PDZD9: variants seen among roughly 807,000 people sequenced by gnomAD.
PDZD9 encodes the protein PDZ domain containing 9.
In PDZD9, 13 loss-of-function variants were observed where a neutral mutation model predicts 16.3. The observed-to-expected ratio is 0.80, with a 90% CI of 0.52 to 1.27. PDZD9 has a LOEUF of 1.27. Among genes scored for constraint, PDZD9 ranks in the 50% most tolerant of loss-of-function variants. PDZD9 has a pLI of 0.00. For missense variants in PDZD9, 288 were observed against 310.9 expected (o/e 0.93, Z 0.55); for synonymous variants, 120 against 111.0 (o/e 1.08, Z -0.51).
At chr16:21,982,330 T>C (rs1898753117), downstream of PDZD9, among the ~76,000 whole-genome samples, 1 of 152,170 alleles carries the variant, frequency 6.6e-6, no homozygotes, top group Non-Finnish European at 1.5e-5. Flanking sequence ...AACTTGGAAG[T>C]AGTGGCATAA....
At chr16:21,980,310 G>A (rs2141948986), downstream of PDZD9, 1 of 456,284 alleles carries the variant, frequency 2.2e-6, no homozygotes, top group South Asian at 3.6e-5. Context: ...AGGCCAAAGT[G>A]GGCCCTCAAT....
At position 21,988,811 on chromosome 16, in the gene PDZD9, T is replaced by TGTATCA. The variant is rs1898951035; in HGVS notation, c.212-26_212-21dup. ...CATCACCTGAAGAGGGAAAAAATTA[T>TGTATCA]GTATCAGTAAAACTAGAGGTTTAAA... On this transcript the variant is annotated intron_variant, in intron 2 of 3. Coordinates refer to ENST00000424898, the MANE Select transcript of PDZD9 (RefSeq NM_001363519.1). The TGTATCA allele has an allele frequency of 1.9e-6, 3 of 1,573,734 alleles. No individual in the cohort carries two copies. Among genetic ancestry groups the TGTATCA allele is most frequent in the Non-Finnish European group, 2.6e-6 (3 of 1,160,906 alleles).
At chr16:21,963,900 A>C in the PDZD9 span, among the ~76,000 whole-genome samples, 1 of 152,162 alleles carries the variant, frequency 6.6e-6, no homozygotes, top group Non-Finnish European at 1.5e-5. Context: ...TTCCAAAGTA[A>C]GTAACTTAAT....
intron 2 of PDZD9, among the ~76,000 whole-genome samples, chr16:21,990,480 A>C (rs184234747): frequency 1.4e-3 from 218 of 152,326 alleles, no homozygotes; most frequent in African/African-American, 4.7e-3. Flanking sequence ...CCAGAAAACA[A>C]ATACTTACAA....
chr16:21,964,623 C>T, the PDZD9 span, among the ~76,000 whole-genome samples: 2 of 152,144 alleles, frequency 1.3e-5, no homozygotes, highest in Non-Finnish European at 2.9e-5. Context: ...ATGATTTCCC[C>T]TGGGAAACAC....
the PDZD9 span, chr16:21,962,957 A>C: frequency 6.6e-7 from 1 of 1,512,252 alleles, no homozygotes; most frequent in Non-Finnish European, 8.9e-7. Flanking sequence ...ATAGAAGAAA[A>C]AAAATTGCTG....
the PDZD9 span, among the ~76,000 whole-genome samples, chr16:21,965,890 C>T: frequency 6.6e-6 from 1 of 152,116 alleles, no homozygotes; most frequent in South Asian, 2.1e-4. Flanking sequence ...TGCTGTGTTG[C>T]CTAGGCTGGT....
At chr16:22,000,040 CA>C (rs781141020) in intron 1 of PDZD9, among the ~76,000 whole-genome samples, 2,859 of 131,734 alleles carry the variant, frequency 0.022, 77 homozygotes, top group African/African-American at 0.066. Flanking sequence ...GACTCTGTCT[CA>C]AAAAAAAAAA....
the PDZD9 span, among the ~76,000 whole-genome samples, chr16:21,975,030 C>T: frequency 6.6e-6 from 1 of 152,020 alleles, no homozygotes; most frequent in Non-Finnish European, 1.5e-5. Flanking sequence ...TCAGCGACCA[C>T]AAATTCATAG....
chr16:21,967,336 T>C, the PDZD9 span, among the ~76,000 whole-genome samples: 4 of 152,212 alleles, frequency 2.6e-5, no homozygotes, highest in Admixed American at 2.6e-4. Flanking sequence ...CTTTCCTTCC[T>C]GAGGAGCCTT....
the PDZD9 span, among the ~76,000 whole-genome samples, chr16:21,965,907 C>T: frequency 1.3e-5 from 2 of 152,196 alleles, 1 homozygote; most frequent in South Asian, 4.1e-4. Flanking sequence ...TGGTCTTGAA[C>T]TCTTAAGCTC....
the PDZD9 span, among the ~76,000 whole-genome samples, chr16:21,967,980 GCT>G: frequency 6.7e-6 from 1 of 150,052 alleles, no homozygotes; most frequent in Non-Finnish European, 1.5e-5. Flanking sequence ...GCCAGTGTAT[GCT>G]CTAATTTCTT....
At chr16:21,962,743 T>A in the PDZD9 span, 1 of 1,613,974 alleles carries the variant, frequency 6.2e-7, no homozygotes, top group South Asian at 1.1e-5. Context: ...ATAATTCTTA[T>A]CTCGATGTCT....
chr16:21,984,451 C>A lies in PDZD9; in HGVS notation c.611G>T (p.Cys204Phe), dbSNP rs907082403. The change falls in exon 4 of 4, where the codon TGT (cysteine) becomes TTT (phenylalanine). Residue 204 changes from cysteine (C) to phenylalanine (F), a missense_variant. Cys to Phe is a radical substitution (Grantham distance 205). Coordinates refer to ENST00000424898, the MANE Select transcript of PDZD9 (RefSeq NM_001363519.1). ...GTCGTCTCTGTGAATCATCACGTCA[C>A]AATTAATGTCTTTTCCTACACTAAT... ...HTISVGKDIN[C>F]DVMIHRDDKK... 6.2e-7 allele frequency: 1 copy of A among 1,613,958 alleles called. No homozygotes were observed. Among genetic ancestry groups the A allele is most frequent in the Non-Finnish European group, 8.5e-7 (1 of 1,179,850 alleles).
the PDZD9 span, chr16:21,976,261 CTG>C: frequency 1.1e-5 from 18 of 1,589,104 alleles, no homozygotes; most frequent in Non-Finnish European, 1.3e-5. Flanking sequence ...TCAGTATTAA[CTG>C]TGTTTTATGT....
Position 21,988,708 on chromosome 16 carries a change from T to TCA in PDZD9, c.294_295insTG (p.Ile99Ter). Reference sequence around the variant, plus strand: ...ACCTTGATTTGTAGCACTGTTCCAATAGTGATATGTTGCAAAAGCTGTAAA... The same window carrying TCA: ...ACCTTGATTTGTAGCACTGTTCCAATCAAGTGATATGTTGCAAAAGCTGTAAA... On this transcript the variant is annotated frameshift_variant, in exon 3 of 4. Transcript: ENST00000424898. LOFTEE classifies it high-confidence loss of function. 1 of 1,612,786 alleles carries TCA rather than the reference T, an allele frequency of 6.2e-7. No individual in the cohort carries two copies. Among genetic ancestry groups the TCA allele is most frequent in the East Asian group, 2.2e-5 (1 of 44,864 alleles).
At chr16:21,990,905 A>G (rs1899005815) in intron 2 of PDZD9, among the ~76,000 whole-genome samples, 1 of 152,150 alleles carries the variant, frequency 6.6e-6, no homozygotes, top group Non-Finnish European at 1.5e-5. Flanking sequence ...AGAAACACCA[A>G]TTTCGTACTT....
intron 3 of PDZD9, 113 bp downstream of exon 3, chr16:21,988,489 A>G: frequency 1.2e-6 from 1 of 859,050 alleles, no homozygotes; most frequent in Non-Finnish European, 1.8e-6. Flanking sequence ...CAGTGTCACC[A>G]GTCCTCCTGT....
chr16:21,982,987 T>C (rs1597972514), downstream of PDZD9: 1 of 874,230 alleles, frequency 1.1e-6, no homozygotes, highest in Admixed American at 2.8e-5. Flanking sequence ...AAAAAAAGAA[T>C]GTCCTATCCA....
Sources: gnomAD v4.1 joint callset for allele counts (sites outside exome capture counted in the v4.1 genomes callset) on GRCh38, gnomAD v4.1.1 for gene constraint, MANE v1.5 for transcripts, NCBI Gene and HGNC (gene_info 2026-07-23, HGNC 2026-07-21) for gene names.